DNAAF5: variants seen among roughly 807,000 people sequenced by gnomAD.
DNAAF5 encodes dynein axonemal assembly factor 5.
Under a neutral mutation model 75.8 loss-of-function variants are expected in DNAAF5, and 64 were observed. The ratio of observed to expected loss-of-function variants is 0.84; its 90% CI spans 0.69 to 1.04. The LOEUF is 1.04. DNAAF5 is among the 50% of genes least tolerant of loss of function. The pLI, the probability that DNAAF5 is intolerant of heterozygous loss-of-function variation, is 0.00. For missense variants in DNAAF5, 1,269 were observed against 1,178.5 expected (o/e 1.08, Z -1.12); for synonymous variants, 657 against 557.2 (o/e 1.18, Z -2.52).
rs115679892 is a variant in DNAAF5 at position 762,942 on chromosome 7, C to A, written c.1615-864C>A. On this transcript the variant is annotated intron_variant, in intron 7 of 12. Coordinates refer to ENST00000297440, the MANE Select transcript of DNAAF5 (RefSeq NM_017802.4). ...ATGCCCAAAAATCTTTTAACCCCAA[C>A]CTTCTAATGGGCTTCTAGGGCCCCT... 3.1e-3 allele frequency among the ~76,000 whole-genome samples: 466 copies of A among 152,268 alleles called. 2 individuals are homozygous for A. Among genetic ancestry groups the A allele is most frequent in the African/African-American group, 0.01 (433 of 41,554 alleles).
intron 10 of DNAAF5, 92 bp downstream of exon 10, chr7:774,290 C>G (rs781255505): frequency 2.1e-4 from 279 of 1,326,848 alleles, no homozygotes; most frequent in Non-Finnish European, 2.6e-4. Flanking sequence ...GGAACTTGGG[C>G]AGGCAGCAGC....
At chr7:779,356 G>A (rs1283713788) in intron 11 of DNAAF5, among the ~76,000 whole-genome samples, 3 of 152,226 alleles carry the variant, frequency 2.0e-5, no homozygotes, top group Non-Finnish European at 2.9e-5. Flanking sequence ...AGTCATCTGC[G>A]AATTTCCGGA....
chr7:751,403 G>A (rs1782288065), intron 4 of DNAAF5, among the ~76,000 whole-genome samples: 1 of 151,736 alleles, frequency 6.6e-6, no homozygotes, highest in Non-Finnish European at 1.5e-5. Context: ...GAGAGGCCGA[G>A]GCAGGAGGGT....
chr7:735,855 G>A (rs933993751), intron 2 of DNAAF5, among the ~76,000 whole-genome samples: 23 of 151,968 alleles, frequency 1.5e-4, no homozygotes, highest in African/African-American at 5.1e-4. Context: ...AGTTCTTTAC[G>A]ATGCAGTGTT....
At position 779,941 on chromosome 7, in the gene DNAAF5, C is replaced by G. The variant is rs114742749; in HGVS notation, c.2240-12C>G. 1.1e-5 allele frequency: 17 copies of G among 1,612,434 alleles called. 1 individual carries two copies. The South Asian group carries it at 1.8e-4, about 17-fold the overall frequency. On this transcript the variant is annotated splice_polypyrimidine_tract_variant and intron_variant, in intron 11 of 12. Coordinates refer to ENST00000297440, the MANE Select transcript of DNAAF5 (RefSeq NM_017802.4). ...TCTAGACTCACACACCTGTCTCGCT[C>G]CCTCCTTCCAGAACTCTTAAAACGC...
chr7:761,897 GT>G lies in DNAAF5; in HGVS notation c.1614+2del. ...AGGTGCTACCGGCCTGAGGGACAAG[GT>G]AAGGCTGACAGTGGTGGCTGCTGCT... On this transcript the variant is annotated splice_donor_variant, in intron 7 of 12. Coordinates refer to ENST00000297440, the MANE Select transcript of DNAAF5 (RefSeq NM_017802.4). LOFTEE classifies it high-confidence loss of function. 1 of 1,568,448 alleles carries G rather than the reference GT, an allele frequency of 6.4e-7. No individual in the cohort carries two copies. The highest frequency in any genetic ancestry group is 2.4e-5 in the East Asian group (1 of 42,162).
intron 4 of DNAAF5, among the ~76,000 whole-genome samples, chr7:748,729 C>T (rs149972792): frequency 1.0e-3 from 156 of 152,304 alleles, no homozygotes; most frequent in Admixed American, 1.8e-3. Flanking sequence ...CTGCTGCCAT[C>T]CTCTGCACCC....
At chr7:753,684 T>C (rs921528446) in intron 4 of DNAAF5, among the ~76,000 whole-genome samples, 25 of 147,728 alleles carry the variant, frequency 1.7e-4, no homozygotes, top group Non-Finnish European at 7.4e-5. Context: ...TCTCTGATCA[T>C]ATGGGGACGG....
chr7:756,925 C>T lies in DNAAF5; in HGVS notation c.1401C>T (p.Ala467=), dbSNP rs1372841559. Residue 467 remains alanine (A), a synonymous_variant, in exon 6 of 13, where the codon GCC becomes GCT. Coordinates refer to ENST00000297440, the MANE Select transcript of DNAAF5 (RefSeq NM_017802.4). ...ASAMRGCPRE[A]LQPHLAAIAT... is the part of the protein sequence containing the mutation. ...CCATGCGGGGTTGCCCCCGAGAAGC[C>T]CTCCAGCCGCACCTGGCAGCCATCG... 3 of 1,609,986 alleles carry T rather than the reference C, an allele frequency of 1.9e-6. No homozygotes were observed. Among genetic ancestry groups the T allele is most frequent in the East Asian group, 4.5e-5 (2 of 44,890 alleles).
At chr7:773,983 G>A in intron 9 of DNAAF5, 65 bp from the exon 10 acceptor site, 1 of 1,595,352 alleles carries the variant, frequency 6.3e-7, no homozygotes, top group East Asian at 2.2e-5. Flanking sequence ...TTCATCCCTA[G>A]TCTGAAACGT....
intron 6 of DNAAF5, among the ~76,000 whole-genome samples, chr7:759,828 T>A (rs1333474063): frequency 2.0e-5 from 3 of 152,172 alleles, no homozygotes; most frequent in Admixed American, 6.5e-5. Context: ...AGGGGCTGTG[T>A]CTTCTAAACG....
chr7:780,815 CTTTTTTTTTTCTT>C (rs1240153678), intron 12 of DNAAF5, among the ~76,000 whole-genome samples: 1 of 141,248 alleles, frequency 7.1e-6, no homozygotes, highest in Non-Finnish European at 1.6e-5. Context: ...TAACGATTTG[CTTTTTTTTTTCTT>C]TTTTTTTTTT....
chr7:763,280 G>A (rs1782722577), intron 7 of DNAAF5, among the ~76,000 whole-genome samples: 1 of 152,190 alleles, frequency 6.6e-6, no homozygotes, highest in African/African-American at 2.4e-5. Context: ...TCAGACTCCA[G>A]GCTTGGGGCA....
intron 2 of DNAAF5, among the ~76,000 whole-genome samples, chr7:731,659 A>G (rs1398467593): frequency 6.6e-6 from 1 of 152,108 alleles, no homozygotes; most frequent in Non-Finnish European, 1.5e-5. Flanking sequence ...ACTTTCTTAA[A>G]ATGTTACGAG....
At chr7:753,854 CTG>C (rs1782391695) in intron 4 of DNAAF5, among the ~76,000 whole-genome samples, 1 of 145,670 alleles carries the variant, frequency 6.9e-6, no homozygotes. Flanking sequence ...GCGTGTCTCT[CTG>C]ATCATATGGC....
chr7:767,226 G>A (rs1048592002), intron 8 of DNAAF5, among the ~76,000 whole-genome samples: 9 of 139,182 alleles, frequency 6.5e-5, no homozygotes, highest in Non-Finnish European at 9.2e-5. Context: ...GCGACAGAGC[G>A]AGACTCGGTC....
chr7:774,272 C>T, intron 10 of DNAAF5, 74 bp downstream of exon 10: 1 of 1,448,644 alleles, frequency 6.9e-7, no homozygotes, highest in Non-Finnish European at 9.2e-7. Flanking sequence ...GGCAGAGCTC[C>T]CGCAGCAGGA....
chr7:764,540 C>A (rs1030986521), intron 8 of DNAAF5, among the ~76,000 whole-genome samples: 3 of 152,200 alleles, frequency 2.0e-5, no homozygotes, highest in Non-Finnish European at 4.4e-5. Flanking sequence ...GAACTCGCCG[C>A]GGTAGCTCTT....
In DNAAF5 at chr7:786,445, T is replaced by A. The variant is rs1431467353; in HGVS notation, c.*792T>A. On this transcript the variant is annotated 3_prime_UTR_variant, in exon 13 of 13. Coordinates refer to ENST00000297440, the MANE Select transcript of DNAAF5 (RefSeq NM_017802.4). ...AATATTAACGTTTATACTTTCATGT[T>A]TGAAAATTTAATTAAAAATGTTTGT... 1 of 152,266 alleles carries A rather than the reference T, an allele frequency of 6.6e-6. No individual in the cohort carries two copies. Among genetic ancestry groups the A allele is most frequent in the African/African-American group, 2.4e-5 (1 of 41,468 alleles). 9.4% of individuals were successfully genotyped at this position (152,266 alleles called of 1,614,324 possible). A position where few individuals can be genotyped will look rare whatever the true frequency, so the allele number is the denominator to read the frequency against.
Sources: allele counts gnomAD v4.1 joint callset (sites outside exome capture counted in the v4.1 genomes callset), GRCh38; gene constraint gnomAD v4.1.1; transcripts MANE v1.5; gene names NCBI Gene and HGNC (gene_info 2026-07-23, HGNC 2026-07-21).